Variants in NOD1 observed in about 807,000 individuals in gnomAD.
NOD1 encodes nucleotide binding oligomerization domain containing 1, also known as nucleotide-binding oligomerization domain-containing protein 1.
In NOD1, 70 loss-of-function variants were observed where a neutral mutation model predicts 81.2. That is an observed-to-expected ratio of 0.86 (90% CI 0.71 to 1.05). NOD1 has a LOEUF of 1.05. Ranked by LOEUF, NOD1 falls within the 50% of genes least tolerant of loss-of-function variation. NOD1 has a pLI of 0.00. For missense variants in NOD1, 1,233 were observed against 1,228.0 expected (o/e 1.00, Z -0.06); for synonymous variants, 508 against 526.9 (o/e 0.96, Z 0.49).
intron 13 of NOD1, among the ~76,000 whole-genome samples, chr7:30,428,233 G>A (rs76508391): frequency 6.6e-6 from 1 of 152,020 alleles, no homozygotes; most frequent in South Asian, 2.1e-4. Context: ...ACCATGTCGG[G>A]CTAATTTTTG....
intron 1 of NOD1, among the ~76,000 whole-genome samples, chr7:30,470,697 T>C (rs1788187283): frequency 1.3e-5 from 2 of 152,254 alleles, no homozygotes; most frequent in South Asian, 2.1e-4. Flanking sequence ...CTTAATCACC[T>C]ACTGCTTGAC....
chr7:30,431,957 G>C (rs1408636975), intron 12 of NOD1, among the ~76,000 whole-genome samples: 1 of 151,984 alleles, frequency 6.6e-6, no homozygotes. Flanking sequence ...AATACAAAAT[G>C]AGACAGGCAT....
rs1583775107 is a variant in NOD1 at position 30,453,029 on chromosome 7, T to C, written c.388A>G (p.Thr130Ala). The change falls in exon 6 of 14, where the codon ACC (threonine) becomes GCC (alanine). Residue 130 changes from threonine to alanine, a missense_variant. Coordinates refer to ENST00000222823, the MANE Select transcript of NOD1 (RefSeq NM_006092.4). ...CCCAGATGGTGTCGCAGCTGCTGGG[T>C]ATACCTGCTCACTGGAGGGAGGGGG... ...VVNTDPVSRY[T>A]QQLRHHLGRD... is the part of the protein sequence containing the mutation. 22 of 1,605,008 alleles carry C rather than the reference T, an allele frequency of 1.4e-5. No individual in the cohort carries two copies. The highest frequency in any genetic ancestry group is 1.9e-5 in the Non-Finnish European group (22 of 1,174,172).
At position 30,455,322 on chromosome 7, in the gene NOD1, C is replaced by G; in HGVS notation, c.202-11G>C. On this transcript the variant is annotated splice_polypyrimidine_tract_variant and intron_variant, in intron 4 of 13. Coordinates refer to ENST00000222823, the MANE Select transcript of NOD1 (RefSeq NM_006092.4). ...CAGAATTTTGCGGACCTGGAGGTGACACAAGCATGAGGGCACGGGCTGGCA... is the reference window on the plus strand; with the variant it reads ...CAGAATTTTGCGGACCTGGAGGTGAGACAAGCATGAGGGCACGGGCTGGCA... 6.2e-7 allele frequency: 1 copy of G among 1,607,708 alleles called. No homozygotes were observed. Among genetic ancestry groups the G allele is most frequent in the Non-Finnish European group, 8.5e-7 (1 of 1,175,110 alleles).
intron 9 of NOD1, 54 bp downstream of exon 9, chr7:30,446,087 G>GC (rs55996014): frequency 0.2 from 256,996 of 1,284,824 alleles, 27,316 homozygotes; most frequent in Admixed American, 0.31. Flanking sequence ...AGCAAGGCCC[G>GC]CCCCCCACAC....
intron 12 of NOD1, 77 bp from the exon 13 acceptor site, chr7:30,429,534 G>C: frequency 7.7e-7 from 1 of 1,294,342 alleles, no homozygotes; most frequent in Non-Finnish European, 1.1e-6. Flanking sequence ...AGTTGCAAGG[G>C]TGTTTTGGGA....
chr7:30,470,798 T>C (rs911140519), intron 1 of NOD1, among the ~76,000 whole-genome samples: 2 of 152,158 alleles, frequency 1.3e-5, no homozygotes, highest in African/African-American at 4.8e-5. Flanking sequence ...AATAAAAATA[T>C]CTTAATGAAG....
chr7:30,436,116 G>A (rs376717658), intron 10 of NOD1, 35 bp from the exon 11 acceptor site: 2 of 1,501,494 alleles, frequency 1.3e-6, no homozygotes, highest in Non-Finnish European at 9.3e-7. Context: ...AATTATTAAA[G>A]ACACATCTAC....
rs772818623 is a variant in NOD1, at chr7:30,448,318, G to T, written c.2265C>A (p.Tyr755Ter). Residue 755 changes from tyrosine (Y) to a stop codon, truncating the protein, a stop_gained, in exon 7 of 14, where the codon TAC (tyrosine) becomes TAA (stop). Transcript: ENST00000222823. LOFTEE classifies it high-confidence loss of function. ...VKVLSEELTK[Y>*]KIVTYLGLYN... ...CATACCCCAAATAGGTCACAATTTTGTATTTGGTCAGCTCTTCGCTTAGCA... is the reference window on the plus strand; with the variant it reads ...CATACCCCAAATAGGTCACAATTTTTTATTTGGTCAGCTCTTCGCTTAGCA... The T allele has an allele frequency of 3.1e-6, 5 of 1,613,990 alleles. No homozygotes were observed. The highest frequency in any genetic ancestry group is 4.5e-5 in the East Asian group (2 of 44,886).
intron 12 of NOD1, among the ~76,000 whole-genome samples, chr7:30,432,522 A>G (rs1036834655): frequency 6.6e-6 from 1 of 152,248 alleles, no homozygotes; most frequent in African/African-American, 2.4e-5. Flanking sequence ...TCCACTTTAG[A>G]AAACAGTTTG....
chr7:30,469,369 A>C (rs1245049493), intron 1 of NOD1, among the ~76,000 whole-genome samples: 3 of 152,026 alleles, frequency 2.0e-5, no homozygotes, highest in Non-Finnish European at 4.4e-5. Context: ...CCCTCCCGGA[A>C]TCACCTCTCT....
chr7:30,453,698 A>G (rs891585493), intron 5 of NOD1, among the ~76,000 whole-genome samples: 1 of 152,116 alleles, frequency 6.6e-6, no homozygotes, highest in Non-Finnish European at 1.5e-5. Flanking sequence ...AGGGAGTGTT[A>G]TATATTTGTC....
chr7:30,460,112 C>A (rs1016134640), intron 1 of NOD1, 71 bp from the exon 2 acceptor site: 1 of 398,776 alleles, frequency 2.5e-6, no homozygotes, highest in Non-Finnish European at 3.4e-6. Context: ...AGAGCCCTGG[C>A]TGAAGATTTA....
chr7:30,461,273 G>A (rs1396311715), intron 1 of NOD1, among the ~76,000 whole-genome samples: 2 of 152,134 alleles, frequency 1.3e-5, no homozygotes, highest in African/African-American at 2.4e-5. Flanking sequence ...CGCCTCCCAG[G>A]TTCAAGCAAT....
intron 5 of NOD1, among the ~76,000 whole-genome samples, chr7:30,453,905 C>A (rs1786065775): frequency 6.6e-6 from 1 of 152,226 alleles, no homozygotes; most frequent in Non-Finnish European, 1.5e-5. Flanking sequence ...AATATGTAGT[C>A]TTTTGTGTGA....
At chr7:30,475,774 G>A (rs1369404352) in intron 1 of NOD1, 1 of 152,246 alleles carries the variant, frequency 6.6e-6, no homozygotes, top group African/African-American at 2.4e-5. Context: ...GTTCAAGCCA[G>A]GAAGTCTTGC....
In NOD1 at chr7:30,452,869, A is replaced by T; in HGVS notation, c.548T>A (p.Leu183His). The T allele has an allele frequency of 6.2e-7, 1 of 1,614,068 alleles. No homozygotes were observed. The highest frequency in any genetic ancestry group is 2.2e-5 in the East Asian group (1 of 44,876). ...SLGSLNSLAC[L>H]LDHTTGILNE... ...GAGGATGCCGGTGGTGTGGTCCAGG[A>T]GGCAGGCCAGGCTGTTCAGGCTGCC... The change falls in exon 6 of 14, where the codon CTC (leucine) becomes CAC (histidine). Residue 183 changes from leucine (L) to histidine (H), a missense_variant. Physicochemically the swap from Leu to His is moderately conservative, Grantham distance 99. Coordinates refer to ENST00000222823, the MANE Select transcript of NOD1 (RefSeq NM_006092.4).
intron 13 of NOD1, among the ~76,000 whole-genome samples, chr7:30,426,898 C>T (rs1417679690): frequency 2.6e-5 from 4 of 152,204 alleles, no homozygotes; most frequent in Non-Finnish European, 5.9e-5. Context: ...GTAAGTGCTG[C>T]TTCCTCAGAG....
chr7:30,425,686 T>C lies in NOD1; in HGVS notation c.2814A>G (p.Pro938=). The C allele has an allele frequency of 1.2e-6, 2 of 1,613,712 alleles. No individual in the cohort carries two copies. The highest frequency in any genetic ancestry group is 1.7e-6 in the Non-Finnish European group (2 of 1,179,608). ...CATCTTCATAGACTTTGGCCTCCTC[T>C]GGTTTTATCAGGTTTCCATTTAGGC... The part of the protein sequence containing the change: ...EICLNGNLIK[P]EEAKVYEDEK... The change falls in exon 14 of 14, where the codon CCA becomes CCG. Residue 938 remains proline (P), a synonymous_variant. Transcript: ENST00000222823.
Sources: gnomAD v4.1 joint callset for allele counts (sites outside exome capture counted in the v4.1 genomes callset) on GRCh38, gnomAD v4.1.1 for gene constraint, MANE v1.5 for transcripts, NCBI Gene and HGNC (gene_info 2026-07-23, HGNC 2026-07-21) for gene names.